Variants in HEATR5B observed in about 807,000 individuals in gnomAD.
The protein encoded by HEATR5B is HEAT repeat-containing protein 5B.
A neutral mutation model predicts 224.1 loss-of-function variants in HEATR5B; 156 were observed. The ratio of observed to expected loss-of-function variants is 0.70; its 90% CI spans 0.61 to 0.80. The LOEUF is 0.80. Among genes scored for constraint, HEATR5B ranks in the 30% least tolerant of loss-of-function variants. The pLI is 0.00. For synonymous variants in HEATR5B, 1,027 were observed against 893.0 expected, an observed-to-expected ratio of 1.15 and a Z score of -2.68; for missense variants, 2,323 against 2,535.5, an observed-to-expected ratio of 0.92 and a Z score of 1.80.
chr2:37,005,558 C>A, intron 30 of HEATR5B, 74 bp downstream of exon 30: 2 of 1,386,834 alleles, frequency 1.4e-6, no homozygotes, highest in Non-Finnish European at 1.0e-6. Flanking sequence ...GAAAAAAAAT[C>A]CATCCTTTTT....
chr2:36,996,650 G>A (rs1191285019), intron 33 of HEATR5B, among the ~76,000 whole-genome samples: 1 of 151,976 alleles, frequency 6.6e-6, no homozygotes, highest in Non-Finnish European at 1.5e-5. Flanking sequence ...GGAGTGCAAT[G>A]GCGTGATTTC....
chr2:36,999,175 C>T (rs139492608), intron 33 of HEATR5B, among the ~76,000 whole-genome samples: 6 of 151,990 alleles, frequency 3.9e-5, no homozygotes, highest in Non-Finnish European at 5.9e-5. Context: ...GCCAAGATTG[C>T]GCCACTGCAC....
intron 31 of HEATR5B, 66 bp downstream of exon 31, chr2:37,003,476 T>C: frequency 8.5e-7 from 1 of 1,178,888 alleles, no homozygotes; most frequent in Non-Finnish European, 1.2e-6. Context: ...GTCCTGGCGT[T>C]AATATTTTAA....
intron 29 of HEATR5B, among the ~76,000 whole-genome samples, 192 bp from the exon 30 acceptor site, chr2:37,005,951 G>C: frequency 6.6e-6 from 1 of 152,158 alleles, no homozygotes; most frequent in African/African-American, 2.4e-5. Context: ...TTTGCAATTA[G>C]GTTAATATTC....
At chr2:37,033,913 T>C (rs1201626398) in intron 21 of HEATR5B, among the ~76,000 whole-genome samples, 1 of 152,294 alleles carries the variant, frequency 6.6e-6, no homozygotes, top group Non-Finnish European at 1.5e-5. Flanking sequence ...ATCTGACTCA[T>C]GAAGAAAATA....
At chr2:37,040,300 G>C (rs1399021726) in intron 20 of HEATR5B, 29 bp downstream of exon 20, 2 of 1,538,318 alleles carry the variant, frequency 1.3e-6, no homozygotes, top group South Asian at 1.2e-5. Context: ...TATCTAACTA[G>C]GTTCCTTAAT....
chr2:37,002,415 G>A lies in HEATR5B; in HGVS notation c.5208C>T (p.Asp1736=). 5 of 1,614,228 alleles carry A rather than the reference G, an allele frequency of 3.1e-6. No homozygotes were observed. Among genetic ancestry groups the A allele is most frequent in the Non-Finnish European group, 4.2e-6 (5 of 1,180,050 alleles). Residue 1736 remains aspartate, a synonymous_variant, in exon 32 of 36, where the codon GAC becomes GAT. Coordinates refer to ENST00000233099, the MANE Select transcript of HEATR5B (RefSeq NM_019024.3). ...HMPHLSTKVS[D]SPSHIATKTR... ...TTTTAGTGGCTATGTGACTTGGAGA[G>A]TCTGACACCTTGGTACTGAGATGTG...
chr2:37,078,511 C>T (rs1672366834), intron 3 of HEATR5B, among the ~76,000 whole-genome samples: 1 of 152,194 alleles, frequency 6.6e-6, no homozygotes, highest in African/African-American at 2.4e-5. Context: ...ATTAACATAG[C>T]TTCAAACTTC....
At position 37,044,726 on chromosome 2, in the gene HEATR5B, C is replaced by A. The variant is rs551846536; in HGVS notation, c.2697-3434G>T. Among the ~76,000 whole-genome samples the A allele has an allele frequency of 3.3e-4, 50 of 152,280 alleles. No homozygotes were observed. In the South Asian group the frequency reaches 0.01, roughly 31 times the overall value. Reference sequence around the variant, plus strand: ...CTGTAACATTTTGCATTTCTACTGGCAATATATAAGAGTTCTTAACCTACC... The same window carrying A: ...CTGTAACATTTTGCATTTCTACTGGAAATATATAAGAGTTCTTAACCTACC... On this transcript the variant is annotated intron_variant, in intron 18 of 35. Coordinates refer to ENST00000233099, the MANE Select transcript of HEATR5B (RefSeq NM_019024.3).
At position 37,013,872 on chromosome 2, in the gene HEATR5B, T is replaced by C. The variant is rs1298399368; in HGVS notation, c.4253A>G (p.Glu1418Gly). 1 of 1,604,738 alleles carries C rather than the reference T, an allele frequency of 6.2e-7. No individual in the cohort carries two copies. The highest frequency in any genetic ancestry group is 8.5e-7 in the Non-Finnish European group (1 of 1,175,344). Residue 1418 changes from glutamate to glycine, a missense_variant, in exon 27 of 36, where the codon GAA becomes GGA. Transcript: ENST00000233099. The part of the protein sequence containing the change: ...QLYRESATTM[E>G]KLAVLKAWAE... ...CCAAGCTTTGAGAACAGCCAGTTTT[T>C]CCATGGTCGTGGCACTCTCTCGGTA... is the stretch of plus-strand genomic sequence containing the variant.
rs1050614420 is a variant in HEATR5B at position 36,981,300 on chromosome 2, A to C, written c.*190T>G. The C allele has an allele frequency of 4.4e-6, 2 of 458,730 alleles. No homozygotes were observed. Among genetic ancestry groups the C allele is most frequent in the Non-Finnish European group, 7.6e-6 (2 of 262,044 alleles). 28.4% of individuals were successfully genotyped at this position (458,730 alleles called of 1,614,324 possible). A position where few individuals can be genotyped will look rare whatever the true frequency, so the allele number is the denominator to read the frequency against. Reference sequence around the variant, plus strand: ...GGAGGAAAATGAAAACATATTCACCACATGATAAAAAAAATCACTCCTTAA... The same window carrying C: ...GGAGGAAAATGAAAACATATTCACCCCATGATAAAAAAAATCACTCCTTAA... On this transcript the variant is annotated 3_prime_UTR_variant, in exon 36 of 36. Coordinates refer to ENST00000233099, the MANE Select transcript of HEATR5B (RefSeq NM_019024.3).
Position 37,013,928 on chromosome 2 carries a change from A to C in HEATR5B, c.4197T>G (p.Val1399=). The C allele has an allele frequency of 6.2e-7, 1 of 1,613,336 alleles. No individual in the cohort carries two copies. Among genetic ancestry groups the C allele is most frequent in the Non-Finnish European group, 8.5e-7 (1 of 1,179,594 alleles). The change falls in exon 27 of 36, where the codon GTT becomes GTG. Residue 1399 remains valine, a synonymous_variant. Transcript: ENST00000233099. ...GGCTGGAAGATCCTTTTCCAGCCTG[A>C]ACTTTGTCCAGAGAAGAAACAAGAA... ...HNLLVSSLDK[V]QAGKGSSSQL...
intron 2 of HEATR5B, among the ~76,000 whole-genome samples, chr2:37,080,299 A>G (rs1672476505): frequency 6.6e-6 from 1 of 152,198 alleles, no homozygotes; most frequent in African/African-American, 2.4e-5. Flanking sequence ...GAAGCAGAGG[A>G]GGGTCGTGAT....
At chr2:36,993,032 AT>A (rs1666441455) in intron 33 of HEATR5B, among the ~76,000 whole-genome samples, 1 of 152,104 alleles carries the variant, frequency 6.6e-6, no homozygotes, top group Non-Finnish European at 1.5e-5. Flanking sequence ...GCCCCATTTT[AT>A]TTTTAAATTG....
chr2:37,069,937 A>T (rs932265519), intron 7 of HEATR5B, among the ~76,000 whole-genome samples: 1 of 143,600 alleles, frequency 7.0e-6, no homozygotes, highest in Non-Finnish European at 1.5e-5. Flanking sequence ...TCGCTCTGTC[A>T]CCCAGGTTGG....
chr2:37,027,821 T>C, intron 24 of HEATR5B, 102 bp downstream of exon 24: 3 of 1,229,004 alleles, frequency 2.4e-6, no homozygotes, highest in East Asian at 2.3e-5. Context: ...AAATGGCATA[T>C]TCTAAAGCAC....
rs1249748646 is a variant in HEATR5B at position 37,075,569 on chromosome 2, T to C, written c.513A>G (p.Ala171=). Residue 171 remains alanine, a synonymous_variant, in exon 5 of 36, where the codon GCA becomes GCG. Coordinates refer to ENST00000233099, the MANE Select transcript of HEATR5B (RefSeq NM_019024.3). The part of the protein sequence containing the change: ...QKVLSGLGGA[A]ASSHRDIYKN... ...TGTAAATATCACGATGGGAGGAAGC[T>C]GCTGCACCACCCAGTCCACTTAGAA... 2.5e-6 allele frequency: 4 copies of C among 1,612,864 alleles called. No individual in the cohort carries two copies. Among genetic ancestry groups the C allele is most frequent in the African/African-American group, 1.3e-5 (1 of 74,906 alleles).
intron 35 of HEATR5B, among the ~76,000 whole-genome samples, chr2:36,982,773 T>C (rs1390621805): frequency 6.6e-6 from 1 of 151,972 alleles, no homozygotes; most frequent in Non-Finnish European, 1.5e-5. Context: ...CATCTAACTA[T>C]AGATGTTATA....
At chr2:37,022,524 T>G (rs527677067) in intron 24 of HEATR5B, among the ~76,000 whole-genome samples, 40 of 152,296 alleles carry the variant, frequency 2.6e-4, no homozygotes, top group African/African-American at 8.9e-4. Flanking sequence ...ACTGTTAAGG[T>G]GCAAAAGCAG....
Sources: allele counts gnomAD v4.1 joint callset (sites outside exome capture counted in the v4.1 genomes callset), GRCh38; gene constraint gnomAD v4.1.1; transcripts MANE v1.5; gene names NCBI Gene and HGNC (gene_info 2026-07-23, HGNC 2026-07-21).